The following WASF3 variants were observed in gnomAD, a reference collection of about 807,000 sequenced individuals.
WASF3 encodes the protein actin-binding protein WASF3.
A neutral mutation model predicts 46.6 loss-of-function variants in WASF3; 11 were observed. That is an observed-to-expected ratio of 0.24 (90% CI 0.15 to 0.39). The LOEUF (loss-of-function observed/expected upper bound fraction) is 0.39. Among genes scored for constraint, WASF3 ranks in the 10% least tolerant of loss-of-function variants. The pLI is 1.00. For synonymous variants in WASF3, 242 were observed against 259.7 expected, an observed-to-expected ratio of 0.93 and a Z score of 0.65; for missense variants, 576 against 669.8, an observed-to-expected ratio of 0.86 and a Z score of 1.55.
intron 1 of WASF3, among the ~76,000 whole-genome samples, chr13:26,567,191 A>T (rs1375377774): frequency 6.6e-6 from 1 of 152,242 alleles, no homozygotes; most frequent in South Asian, 2.1e-4. Context: ...GAATAAGCAC[A>T]CTTCATATCC....
intron 2 of WASF3, among the ~76,000 whole-genome samples, chr13:26,633,200 C>CTTTTTATTTTTTTTTTTTTTTT (rs1881707199): frequency 1.1e-5 from 1 of 90,420 alleles, no homozygotes; most frequent in Non-Finnish European, 2.1e-5. Flanking sequence ...TTAGTTATTT[C>CTTTTTATTTTTTTTTTTTTTTT]TTTTTTTTTT....
In WASF3 at chr13:26,679,991, C is replaced by A. The variant is rs755501877; in HGVS notation, c.717-1063C>A. On this transcript the variant is annotated intron_variant, in intron 7 of 9. Coordinates refer to ENST00000335327, the MANE Select transcript of WASF3 (RefSeq NM_006646.6). The surrounding 1 kb of genome is among the most constrained non-coding windows in gnomAD (Gnocchi z 4.8). ...GATGGAAATGCAGCGTGCATCTTCC[C>A]TGCTCCCTCAGCACCCCCAATGTGT... The A allele has an allele frequency of 6.3e-7, 1 of 1,576,290 alleles. No homozygotes were observed. Among genetic ancestry groups the A allele is most frequent in the South Asian group, 1.1e-5 (1 of 87,404 alleles).
At chr13:26,552,597 T>A in the WASF3 span, among the ~76,000 whole-genome samples, 3 of 152,230 alleles carry the variant, frequency 2.0e-5, no homozygotes, top group African/African-American at 7.2e-5. Context: ...AGAACTGAGG[T>A]ATTTGTAGTC....
intron 1 of WASF3, among the ~76,000 whole-genome samples, chr13:26,599,420 G>A (rs1320725478): frequency 1.3e-5 from 2 of 152,108 alleles, no homozygotes; most frequent in Non-Finnish European, 2.9e-5. Flanking sequence ...CCTGGTGTCA[G>A]GCTGCTGCTC....
intron 3 of WASF3, among the ~76,000 whole-genome samples, chr13:26,645,449 T>C (rs1028468686): frequency 1.1e-4 from 16 of 152,194 alleles, no homozygotes; most frequent in Admixed American, 7.9e-4. Flanking sequence ...TGACACTGAA[T>C]TACTGATTGG....
intron 5 of WASF3, 26 bp from the exon 6 acceptor site, chr13:26,671,846 C>A: frequency 6.7e-7 from 1 of 1,482,440 alleles, no homozygotes; most frequent in Non-Finnish European, 9.1e-7. Context: ...CTTTTCTTCC[C>A]TGACTTACAA....
chr13:26,560,535 G>A (rs474045), intron 1 of WASF3, among the ~76,000 whole-genome samples: 150,464 of 152,268 alleles, frequency 0.99, 74,365 homozygotes, highest in East Asian at 1. Flanking sequence ...ATGCCTACTA[G>A]GTACCAGGTA....
intron 3 of WASF3, among the ~76,000 whole-genome samples, chr13:26,655,684 C>A (rs915001442): frequency 1.3e-5 from 2 of 152,160 alleles, no homozygotes; most frequent in African/African-American, 4.8e-5. Context: ...AAGCATTCTG[C>A]TGCAAATGCT....
At chr13:26,632,731 C>T (rs563318203) in intron 2 of WASF3, among the ~76,000 whole-genome samples, 10 of 152,218 alleles carry the variant, frequency 6.6e-5, no homozygotes, top group African/African-American at 2.2e-4. Context: ...CGATTGGAAT[C>T]GTTTCAGAAG....
chr13:26,545,539 C>T, the WASF3 span, among the ~76,000 whole-genome samples: 1 of 151,784 alleles, frequency 6.6e-6, no homozygotes, highest in Non-Finnish European at 1.5e-5. Flanking sequence ...TTTTACTTTT[C>T]TAGATTTAAA....
chr13:26,593,063 C>T (rs1431096633), intron 1 of WASF3, among the ~76,000 whole-genome samples: 1 of 152,030 alleles, frequency 6.6e-6, no homozygotes, highest in Non-Finnish European at 1.5e-5. Context: ...TAGGGAGTCC[C>T]TGCCGTGCAA....
At chr13:26,577,545 C>A in intron 1 of WASF3, 5 of 1,330,850 alleles carry the variant, frequency 3.8e-6, no homozygotes, top group South Asian at 2.3e-5. Context: ...CTGAAGAAGC[C>A]CAAGTTTGAA....
At chr13:26,563,963 C>T (rs968920545) in intron 1 of WASF3, among the ~76,000 whole-genome samples, 1 of 152,090 alleles carries the variant, frequency 6.6e-6, no homozygotes, top group African/African-American at 2.4e-5. Context: ...TCAGGGTGCC[C>T]TCTGACCTTG....
chr13:26,673,736 TTAAAA>T (rs1228128368), intron 6 of WASF3, among the ~76,000 whole-genome samples: 4 of 152,350 alleles, frequency 2.6e-5, no homozygotes, highest in African/African-American at 9.6e-5. Flanking sequence ...TTTAAAAGCC[TTAAAA>T]ACTTAATTAC....
intron 5 of WASF3, 86 bp downstream of exon 5, chr13:26,667,756 AAT>A: frequency 5.2e-6 from 7 of 1,346,942 alleles, no homozygotes; most frequent in Non-Finnish European, 6.1e-6. Context: ...ATTGTGTGGG[AAT>A]GTCCTTGATG....
rs536194011 is a variant in WASF3 at position 26,605,910 on chromosome 13, T to C, written c.-108-7051T>C. On this transcript the variant is annotated intron_variant, in intron 1 of 9. Coordinates refer to ENST00000335327, the MANE Select transcript of WASF3 (RefSeq NM_006646.6). ...CTTAAATCATCTTGGTTTTAGGTTT[T>C]TGTTTGCTCATTTGTTTACTATTTG... Among the ~76,000 whole-genome samples the C allele has an allele frequency of 7.9e-5, 12 of 152,338 alleles. No homozygotes were observed. The South Asian group carries it at 2.3e-3, about 29-fold the overall frequency.
chr13:26,545,879 C>T, the WASF3 span, among the ~76,000 whole-genome samples: 7 of 152,348 alleles, frequency 4.6e-5, no homozygotes, highest in Non-Finnish European at 4.4e-5. Flanking sequence ...GCTGAGATTA[C>T]GGACATAAGC....
intron 1 of WASF3, among the ~76,000 whole-genome samples, chr13:26,594,592 T>G (rs1261082282): frequency 1.3e-5 from 2 of 152,156 alleles, no homozygotes; most frequent in East Asian, 3.8e-4. Context: ...TGTATCACTT[T>G]CCCCGTGTAC....
chr13:26,645,748 C>T (rs1399962339), intron 3 of WASF3, among the ~76,000 whole-genome samples: 2 of 152,056 alleles, frequency 1.3e-5, no homozygotes, highest in East Asian at 3.9e-4. Flanking sequence ...AAACAGAAGT[C>T]AGTCAGTAGA....
Sources: allele counts gnomAD v4.1 joint callset (sites outside exome capture counted in the v4.1 genomes callset), GRCh38; gene constraint gnomAD v4.1.1; non-coding constraint Gnocchi (gnomAD v3.1); transcripts MANE v1.5; gene names NCBI Gene and HGNC (gene_info 2026-07-23, HGNC 2026-07-21).